The following ZNF487 variants were observed in gnomAD, a reference collection of about 807,000 sequenced individuals.
The protein encoded by ZNF487 is zinc finger protein 487.
ZNF487 carries 4 observed loss-of-function variants against 3.0 expected under a neutral mutation model. The ratio of observed to expected loss-of-function variants is 1.35; its 90% CI spans 0.66 to 3.08. The LOEUF is 3.08. Among genes scored for constraint, ZNF487 ranks in the 30% most tolerant of loss-of-function variants. The probability of loss-of-function intolerance (pLI) is 0.01; values close to 1 mark genes in which losing one functional copy is unlikely to be tolerated. For missense variants in ZNF487, 146 were observed against 98.7 expected (o/e 1.48, Z -2.03); for synonymous variants, 55 against 34.6 (o/e 1.59, Z -2.06).
the ZNF487 span, among the ~76,000 whole-genome samples, chr10:43,490,958 G>T: frequency 3.6e-5 from 5 of 138,682 alleles, no homozygotes; most frequent in Non-Finnish European, 6.1e-5. Context: ...ACAGGCATGA[G>T]CCACCATGCC....
At chr10:43,520,739 T>A in the ZNF487 span, among the ~76,000 whole-genome samples, 1 of 152,210 alleles carries the variant, frequency 6.6e-6, no homozygotes, top group Non-Finnish European at 1.5e-5. Context: ...CTTGAAGGCA[T>A]CCAGCTGCTG....
the ZNF487 span, among the ~76,000 whole-genome samples, chr10:43,511,597 C>T: frequency 6.6e-6 from 1 of 152,214 alleles, no homozygotes; most frequent in Non-Finnish European, 1.5e-5. Flanking sequence ...GTGTTGGTCT[C>T]TGCTGCTAGC....
chr10:43,462,631 T>G (rs907801814), intron 1 of ZNF487, among the ~76,000 whole-genome samples: 3 of 151,784 alleles, frequency 2.0e-5, no homozygotes, highest in Non-Finnish European at 2.9e-5. Context: ...AATTTTTGTA[T>G]TTTTAGTAGA....
chr10:43,513,552 C>A, the ZNF487 span, among the ~76,000 whole-genome samples: 14 of 152,142 alleles, frequency 9.2e-5, no homozygotes, highest in African/African-American at 3.1e-4. Context: ...GCACTAATCT[C>A]CACAGTCTCT....
rs574953083 is a variant in ZNF487 at position 43,482,084 on chromosome 10, A to G, written c.*162A>G. On this transcript the variant is annotated 3_prime_UTR_variant, in exon 4 of 4. Coordinates refer to ENST00000437590, the MANE Select transcript of ZNF487 (RefSeq NM_001355444.3). The stretch of plus-strand genomic sequence containing the variant: ...CACAGGGTTATGGAGATGAAATACT[A>G]TGAGTGTAATGCGAGTGAGAATAGT... 1.9e-5 allele frequency: 11 copies of G among 577,044 alleles called. No individual in the cohort carries two copies. Among genetic ancestry groups the G allele is most frequent in the Non-Finnish European group, 2.4e-5 (8 of 328,444 alleles). 35.7% of individuals were successfully genotyped at this position (577,044 alleles called of 1,614,324 possible).
At chr10:43,475,024 C>T (rs1841043211) in intron 1 of ZNF487, among the ~76,000 whole-genome samples, 1 of 152,166 alleles carries the variant, frequency 6.6e-6, no homozygotes, top group Non-Finnish European at 1.5e-5. Flanking sequence ...ACTTCCCCTG[C>T]CTCCACCTCA....
At chr10:43,490,410 ATTTC>A in the ZNF487 span, among the ~76,000 whole-genome samples, 6 of 139,484 alleles carry the variant, frequency 4.3e-5, no homozygotes, top group East Asian at 6.4e-4. Flanking sequence ...ATTTTCTCCC[ATTTC>A]TTCTTGTGAT....
chr10:43,454,068 C>G (rs1013149917), intron 1 of ZNF487: 1 of 151,754 alleles, frequency 6.6e-6, no homozygotes, highest in Non-Finnish European at 1.5e-5. Context: ...TTTTAAGGTA[C>G]GGAGTCTCGC....
chr10:43,493,714 ATATATATAT>A, the ZNF487 span, among the ~76,000 whole-genome samples: 1 of 15,900 alleles, frequency 6.3e-5, no homozygotes. Flanking sequence ...AAAAAAATAT[ATATATATAT>A]ATATATATAT....
chr10:43,443,061 C>CTTTTTT (rs34420531), intron 1 of ZNF487, among the ~76,000 whole-genome samples: 1 of 119,902 alleles, frequency 8.3e-6, no homozygotes, highest in South Asian at 2.7e-4. Context: ...CTCGTTCTAG[C>CTTTTTT]TTTTTTTTTT....
At chr10:43,506,222 A>ACCAGGC in the ZNF487 span, among the ~76,000 whole-genome samples, 18 of 152,316 alleles carry the variant, frequency 1.2e-4, no homozygotes, top group South Asian at 6.2e-4. Context: ...TATCAAAAGG[A>ACCAGGC]CCAGGCCCAG....
chr10:43,472,710 G>A (rs1408497078), intron 1 of ZNF487, among the ~76,000 whole-genome samples: 1 of 152,120 alleles, frequency 6.6e-6, no homozygotes, highest in Non-Finnish European at 1.5e-5. Flanking sequence ...CTATGCTCCA[G>A]CTCGACTTGC....
At chr10:43,447,991 T>TG (rs1839873266) in intron 1 of ZNF487, among the ~76,000 whole-genome samples, 2 of 145,054 alleles carry the variant, frequency 1.4e-5, no homozygotes, top group South Asian at 4.7e-4. Flanking sequence ...AACCATTTTT[T>TG]TTTTTTTTTT....
At chr10:43,502,388 G>A in the ZNF487 span, among the ~76,000 whole-genome samples, 91 of 151,780 alleles carry the variant, frequency 6.0e-4, no homozygotes, top group Admixed American at 9.9e-4. Context: ...GTCGTGGGGT[G>A]GGGGGGGATA....
rs1216182094 is a variant in ZNF487, at chr10:43,481,983, TCA to T, written c.*64_*65del. The T allele has an allele frequency of 1.7e-6, 1 of 596,122 alleles. No individual in the cohort carries two copies. 36.9% of individuals were successfully genotyped at this position (596,122 alleles called of 1,614,324 possible). ...CAATATTCATTGTTCATCAGAGAAC[TCA>T]CATAAGGAAGAGTCACCATGAATTC... On this transcript the variant is annotated 3_prime_UTR_variant, in exon 4 of 4. Transcript: ENST00000437590.
chr10:43,442,068 T>A (rs57862979), intron 1 of ZNF487, among the ~76,000 whole-genome samples: 1 of 151,696 alleles, frequency 6.6e-6, no homozygotes, highest in Non-Finnish European at 1.5e-5. Context: ...CGAAAAAAAA[T>A]TTTAAATTTA....
chr10:43,508,022 G>T, the ZNF487 span, among the ~76,000 whole-genome samples: 1 of 152,240 alleles, frequency 6.6e-6, no homozygotes, highest in South Asian at 2.1e-4. Flanking sequence ...CATGGGCCTT[G>T]CAGGTTTCCA....
intron 1 of ZNF487, among the ~76,000 whole-genome samples, chr10:43,467,243 C>T (rs991851939): frequency 7.3e-5 from 11 of 150,948 alleles, no homozygotes; most frequent in African/African-American, 2.4e-4. Flanking sequence ...CTTGCTGTGT[C>T]GCCCAGGCTG....
intron 1 of ZNF487, among the ~76,000 whole-genome samples, chr10:43,473,006 A>G (rs1840957713): frequency 1.4e-5 from 2 of 142,048 alleles, no homozygotes; most frequent in Admixed American, 1.4e-4. Flanking sequence ...TGTTTGTGCC[A>G]CTGCACTCCA....
Sources: allele counts gnomAD v4.1 joint callset (sites outside exome capture counted in the v4.1 genomes callset), GRCh38; gene constraint gnomAD v4.1.1; transcripts MANE v1.5; gene names NCBI Gene and HGNC (gene_info 2026-07-23, HGNC 2026-07-21).